WDR70: variants seen among roughly 807,000 people sequenced by gnomAD.
The protein encoded by WDR70 is WD repeat-containing protein 70.
Under a neutral mutation model 88.6 loss-of-function variants are expected in WDR70, and 53 were observed. That is an observed-to-expected ratio of 0.60 (90% CI 0.48 to 0.75). WDR70 has a LOEUF of 0.75. WDR70 is among the 30% of genes least tolerant of loss of function. The pLI, the probability that WDR70 is intolerant of heterozygous loss-of-function variation, is 0.00. For missense variants in WDR70, 610 were observed against 823.2 expected (o/e 0.74, Z 3.17); for synonymous variants, 280 against 270.0 (o/e 1.04, Z -0.36).
At chr5:37,601,660 T>G (rs1743887185) in intron 9 of WDR70, among the ~76,000 whole-genome samples, 1 of 152,178 alleles carries the variant, frequency 6.6e-6, no homozygotes, top group South Asian at 2.1e-4. Context: ...CCTGGTTTTT[T>G]TTTGATGGTG....
intron 7 of WDR70, among the ~76,000 whole-genome samples, chr5:37,447,189 G>A (rs1272173448): frequency 6.6e-6 from 1 of 152,176 alleles, no homozygotes; most frequent in East Asian, 1.9e-4. Context: ...ATGAAAAAAT[G>A]CTCATCATCA....
chr5:37,520,922 T>C (rs1007738788), intron 9 of WDR70, among the ~76,000 whole-genome samples: 1 of 152,176 alleles, frequency 6.6e-6, no homozygotes, highest in African/African-American at 2.4e-5. Flanking sequence ...TGCAGTGTCT[T>C]AAGAAAATGA....
chr5:37,441,161 A>G (rs1213693613), intron 6 of WDR70, among the ~76,000 whole-genome samples: 1 of 152,210 alleles, frequency 6.6e-6, no homozygotes, highest in Non-Finnish European at 1.5e-5. Context: ...GAAGAAGGAT[A>G]GCATAATGAA....
At chr5:37,461,670 A>G (rs1415455562) in intron 7 of WDR70, among the ~76,000 whole-genome samples, 1 of 151,954 alleles carries the variant, frequency 6.6e-6, no homozygotes, top group East Asian at 1.9e-4. Flanking sequence ...TTTTTAGTAG[A>G]GATGGGGTTT....
In WDR70 at chr5:37,697,735, T is replaced by C. The variant is rs774313457; in HGVS notation, c.1173T>C (p.Asn391=). 6.2e-7 allele frequency: 1 copy of C among 1,613,688 alleles called. No homozygotes were observed. Among genetic ancestry groups the C allele is most frequent in the Non-Finnish European group, 8.5e-7 (1 of 1,179,644 alleles). Residue 391 remains asparagine (N), a synonymous_variant, in exon 11 of 18, where the codon AAT becomes AAC. Transcript: ENST00000265107. ...TSCVTFSYDG[N]VLASRGGDDS... ...GCGTGACTTTTTCCTATGATGGTAA[T>C]GTCCTTGCCTCTCGTGGAGGTAGGT...
intron 9 of WDR70, among the ~76,000 whole-genome samples, chr5:37,528,903 AGGG>A (rs746669315): frequency 1.1e-5 from 1 of 87,182 alleles, no homozygotes; most frequent in African/African-American, 3.6e-5. Context: ...CAATGTCTAG[AGGG>A]GGTTTTTTTT....
chr5:37,406,650 A>T (rs1022557676), intron 5 of WDR70, among the ~76,000 whole-genome samples: 2 of 152,250 alleles, frequency 1.3e-5, no homozygotes, highest in Non-Finnish European at 2.9e-5. Flanking sequence ...TCTGGTATTT[A>T]AAGTGTTCAG....
chr5:37,672,217 C>G (rs1561061872), intron 10 of WDR70, among the ~76,000 whole-genome samples: 1 of 152,184 alleles, frequency 6.6e-6, no homozygotes, highest in Non-Finnish European at 1.5e-5. Context: ...CCAAGAAAGC[C>G]TGGGTACTGT....
At chr5:37,675,568 G>C (rs1473057772) in intron 10 of WDR70, among the ~76,000 whole-genome samples, 1 of 151,696 alleles carries the variant, frequency 6.6e-6, no homozygotes, top group Non-Finnish European at 1.5e-5. Context: ...ATTTCTGAGG[G>C]CTCTGTTCTG....
At chr5:37,678,875 G>T (rs1417541039) in intron 10 of WDR70, among the ~76,000 whole-genome samples, 9 of 152,316 alleles carry the variant, frequency 5.9e-5, no homozygotes, top group Middle Eastern at 3.4e-3. Context: ...ACACCAATCA[G>T]ACGTAGATTT....
At chr5:37,653,214 T>C (rs1382776621) in intron 10 of WDR70, among the ~76,000 whole-genome samples, 1 of 152,214 alleles carries the variant, frequency 6.6e-6, no homozygotes, top group Admixed American at 6.5e-5. Context: ...TTTTTTGTCA[T>C]TGATTCTGTT....
intron 7 of WDR70, among the ~76,000 whole-genome samples, chr5:37,478,701 A>T (rs1372132967): frequency 2.0e-5 from 3 of 152,220 alleles, no homozygotes; most frequent in Non-Finnish European, 4.4e-5. Flanking sequence ...TTTACTGCAT[A>T]TTGACCAGTC....
intron 8 of WDR70, among the ~76,000 whole-genome samples, chr5:37,481,339 G>A (rs1050376981): frequency 1.3e-4 from 19 of 150,992 alleles, no homozygotes; most frequent in African/African-American, 3.7e-4. Context: ...GGCCCCCCCC[G>A]CTCCCTGCAG....
intron 10 of WDR70, among the ~76,000 whole-genome samples, chr5:37,654,931 C>T (rs1745509362): frequency 6.6e-6 from 1 of 152,160 alleles, no homozygotes; most frequent in Non-Finnish European, 1.5e-5. Context: ...TTAATTGGGG[C>T]ATTAGCCTGT....
chr5:37,564,373 G>A (rs187553066), intron 9 of WDR70, among the ~76,000 whole-genome samples: 5,231 of 152,342 alleles, frequency 0.034, 122 homozygotes, highest in Middle Eastern at 0.061. Flanking sequence ...AAAAAAATAC[G>A]AAAACCAGTC....
chr5:37,474,747 TGTTCCCCTAG>T (rs1739426846), intron 7 of WDR70, among the ~76,000 whole-genome samples: 1 of 152,056 alleles, frequency 6.6e-6, no homozygotes, highest in Non-Finnish European at 1.5e-5. Flanking sequence ...CAATGTGTGT[TGTTCCCCTAG>T]GTGTGTTGTT....
intron 9 of WDR70, among the ~76,000 whole-genome samples, chr5:37,518,596 A>G (rs1418369823): frequency 1.3e-5 from 2 of 150,940 alleles, no homozygotes; most frequent in African/African-American, 4.9e-5. Flanking sequence ...TTCTTTATCC[A>G]TTTATCTGTT....
intron 10 of WDR70, among the ~76,000 whole-genome samples, chr5:37,683,985 C>T (rs960753322): frequency 2.0e-4 from 30 of 152,004 alleles, no homozygotes; most frequent in African/African-American, 5.3e-4. Context: ...GCCAATTAGT[C>T]GTAGATTTGG....
chr5:37,619,209 T>C (rs949218305), intron 10 of WDR70, among the ~76,000 whole-genome samples: 1 of 152,146 alleles, frequency 6.6e-6, no homozygotes, highest in Non-Finnish European at 1.5e-5. Flanking sequence ...TCTAGCCAAT[T>C]TTGATCAGTT....
Sources: allele counts gnomAD v4.1 joint callset (sites outside exome capture counted in the v4.1 genomes callset), GRCh38; gene constraint gnomAD v4.1.1; transcripts MANE v1.5; gene names NCBI Gene and HGNC (gene_info 2026-07-23, HGNC 2026-07-21).